MEIS2: variants seen among roughly 807,000 people sequenced by gnomAD.
MEIS2 encodes the protein Meis homeobox 2.
MEIS2 carries 9 observed loss-of-function variants against 58.6 expected under a neutral mutation model. The observed-to-expected ratio is 0.15, with a 90% CI of 0.09 to 0.27. MEIS2 has a LOEUF of 0.27. Among genes scored for constraint, MEIS2 ranks in the 10% least tolerant of loss-of-function variants. The probability of loss-of-function intolerance (pLI) is 1.00; values close to 1 mark genes in which losing one functional copy is unlikely to be tolerated. For missense variants in MEIS2, 427 were observed against 635.0 expected (o/e 0.67, Z 3.52); for synonymous variants, 221 against 228.4 (o/e 0.97, Z 0.29).
chr15:37,067,033 G>A (rs1216918869), intron 7 of MEIS2, among the ~76,000 whole-genome samples: 1 of 150,840 alleles, frequency 6.6e-6, no homozygotes, highest in African/African-American at 2.4e-5. Context: ...CACCTGCTTT[G>A]GCCTCCCAAA....
chr15:36,974,881 A>G (rs2059688377), intron 8 of MEIS2, among the ~76,000 whole-genome samples: 1 of 152,214 alleles, frequency 6.6e-6, no homozygotes, highest in Non-Finnish European at 1.5e-5. Context: ...CAATCAGTGC[A>G]AAATGCTTTT....
chr15:36,912,454 T>C (rs1567042446), intron 9 of MEIS2, among the ~76,000 whole-genome samples: 1 of 152,204 alleles, frequency 6.6e-6, no homozygotes, highest in Non-Finnish European at 1.5e-5. Flanking sequence ...ATCTTCTCAA[T>C]TATTTATACT....
intron 8 of MEIS2, among the ~76,000 whole-genome samples, chr15:36,960,248 CT>C (rs902400308): frequency 1.6e-4 from 23 of 144,878 alleles, no homozygotes; most frequent in African/African-American, 2.8e-4. Context: ...TGAGGGTTAT[CT>C]TTTTTTTTTT....
intron 8 of MEIS2, among the ~76,000 whole-genome samples, chr15:37,029,167 G>A (rs1381115799): frequency 6.6e-6 from 1 of 152,094 alleles, no homozygotes; most frequent in Non-Finnish European, 1.5e-5. Context: ...AAAGGCTAAG[G>A]CTAGGGGCGG....
At chr15:36,921,676 A>G (rs2057513929) in intron 9 of MEIS2, among the ~76,000 whole-genome samples, 2 of 152,140 alleles carry the variant, frequency 1.3e-5, no homozygotes. Flanking sequence ...CTCCATACTT[A>G]AAACACAGTG....
chr15:37,034,715 A>G (rs2062076530), intron 8 of MEIS2, among the ~76,000 whole-genome samples: 1 of 152,200 alleles, frequency 6.6e-6, no homozygotes, highest in African/African-American at 2.4e-5. Context: ...AGCTTTCAAA[A>G]CAAGAAAAGA....
chr15:37,088,979 T>A (rs933556490), intron 6 of MEIS2, among the ~76,000 whole-genome samples: 1 of 152,154 alleles, frequency 6.6e-6, no homozygotes, highest in African/African-American at 2.4e-5. Context: ...TTTCATCTCA[T>A]CACAGTTACA....
At chr15:36,999,150 C>T (rs1405033611) in intron 8 of MEIS2, among the ~76,000 whole-genome samples, 1 of 152,264 alleles carries the variant, frequency 6.6e-6, no homozygotes, top group East Asian at 1.9e-4. Context: ...TCTTTCATTA[C>T]AAAGCCATCC....
At chr15:36,970,781 T>G (rs965986411) in intron 8 of MEIS2, among the ~76,000 whole-genome samples, 5 of 152,130 alleles carry the variant, frequency 3.3e-5, no homozygotes, top group Non-Finnish European at 7.4e-5. Context: ...AGAATCTTTA[T>G]ACAAAGAAAT....
intron 8 of MEIS2, among the ~76,000 whole-genome samples, chr15:37,004,719 A>T (rs537530752): frequency 6.6e-6 from 1 of 152,310 alleles, no homozygotes; most frequent in East Asian, 1.9e-4. Flanking sequence ...GCCCAGCAGG[A>T]TCCCTTGCAT....
intron 8 of MEIS2, among the ~76,000 whole-genome samples, chr15:36,980,405 TG>T (rs2059894941): frequency 6.6e-6 from 1 of 152,148 alleles, no homozygotes; most frequent in Non-Finnish European, 1.5e-5. Context: ...TCCACATGGC[TG>T]GGGAGGCCTC....
At chr15:36,959,257 C>A (rs2059098761) in intron 8 of MEIS2, among the ~76,000 whole-genome samples, 1 of 152,126 alleles carries the variant, frequency 6.6e-6, no homozygotes, top group Non-Finnish European at 1.5e-5. Flanking sequence ...ATTATAGATG[C>A]CAATATCCAG....
At chr15:37,090,250 G>A (rs745591292) in intron 6 of MEIS2, among the ~76,000 whole-genome samples, 41 of 151,648 alleles carry the variant, frequency 2.7e-4, no homozygotes, top group African/African-American at 5.3e-4. Flanking sequence ...TAAATACAAC[G>A]AAATTGTAAT....
chr15:37,099,265 C>A, intron 1 of MEIS2, 190 bp downstream of exon 1: 2 of 1,452,744 alleles, frequency 1.4e-6, no homozygotes, highest in African/African-American at 2.8e-5. Context: ...CGCACGCACA[C>A]ACACTCGCAC....
At chr15:36,921,522 C>A (rs1359875386) in intron 9 of MEIS2, among the ~76,000 whole-genome samples, 1 of 152,158 alleles carries the variant, frequency 6.6e-6, no homozygotes, top group East Asian at 1.9e-4. Flanking sequence ...CTGATTTTAA[C>A]TTTGGGAGTT....
At chr15:36,969,577 A>C (rs187508309) in intron 8 of MEIS2, among the ~76,000 whole-genome samples, 1 of 152,354 alleles carries the variant, frequency 6.6e-6, no homozygotes, top group Admixed American at 6.5e-5. Flanking sequence ...ATTTGAAATA[A>C]ATAATATTTA....
intron 8 of MEIS2, among the ~76,000 whole-genome samples, chr15:37,027,377 T>A (rs1021289821): frequency 6.6e-6 from 1 of 152,164 alleles, no homozygotes; most frequent in African/African-American, 2.4e-5. Context: ...CATAACCCAG[T>A]CAACTTACCC....
At chr15:37,036,181 G>A (rs75912445) in intron 8 of MEIS2, among the ~76,000 whole-genome samples, 2,536 of 152,198 alleles carry the variant, frequency 0.017, 72 homozygotes, top group African/African-American at 0.057. Flanking sequence ...TAGTAAAACC[G>A]TTTCCAGAAG....
intron 8 of MEIS2, among the ~76,000 whole-genome samples, chr15:36,979,718 G>T (rs2059870972): frequency 6.8e-6 from 1 of 146,404 alleles, no homozygotes; most frequent in African/African-American, 2.5e-5. Flanking sequence ...TAATATATAT[G>T]AATTACATTT....
Sources: gnomAD v4.1 joint callset for allele counts (sites outside exome capture counted in the v4.1 genomes callset) on GRCh38, gnomAD v4.1.1 for gene constraint, MANE v1.5 for transcripts, NCBI Gene and HGNC (gene_info 2026-07-23, HGNC 2026-07-21) for gene names.